DENND5B: variants seen among roughly 807,000 people sequenced by gnomAD.
DENND5B encodes the protein DENN domain-containing protein 5B.
A neutral mutation model predicts 140.6 loss-of-function variants in DENND5B; 34 were observed. The ratio of observed to expected loss-of-function variants is 0.24; its 90% CI spans 0.18 to 0.32. The LOEUF is 0.32. Among genes scored for constraint, DENND5B ranks in the 10% least tolerant of loss-of-function variants. The probability of loss-of-function intolerance (pLI) is 1.00; values close to 1 mark genes in which losing one functional copy is unlikely to be tolerated. For missense variants in DENND5B, 1,142 were observed against 1,560.2 expected (o/e 0.73, Z 4.52); for synonymous variants, 551 against 562.1 (o/e 0.98, Z 0.28).
At chr12:31,444,212 G>T (rs1185851457) in intron 6 of DENND5B, 2 of 152,142 alleles carry the variant, frequency 1.3e-5, no homozygotes, top group African/African-American at 2.4e-5. Flanking sequence ...TTTAAGAGAA[G>T]AACCAGGTGC....
rs1944096769 is a variant in DENND5B at position 31,442,838 on chromosome 12, T to C, written c.1949A>G (p.Tyr650Cys). The stretch of plus-strand genomic sequence containing the variant: ...TAACTTTGGAAAGAACCCCTGCTCA[T>C]ATTTGCCTTGACCAATTTTCATATC... Reference protein sequence around the residue: ...LLDMKIGQGKYEQGFFPKLQS... With the variant: ...LLDMKIGQGKCEQGFFPKLQS... The change falls in exon 7 of 21, where the codon TAT becomes TGT. Residue 650 changes from tyrosine to cysteine, a missense_variant. Physicochemically the swap from Tyr to Cys is radical, Grantham distance 194 (BLOSUM62 -2). Around this residue, in one of 5 missense-constraint regions of DENND5B, gnomAD observed 708 missense variants for 905.5 expected, o/e 0.78. Transcript: ENST00000389082. 3 of 1,613,612 alleles carry C rather than the reference T, an allele frequency of 1.9e-6. No homozygotes were observed. The South Asian group carries it at 3.3e-5, about 18-fold the overall frequency.
intron 7 of DENND5B, among the ~76,000 whole-genome samples, chr12:31,441,228 C>G (rs1045721894): frequency 6.6e-6 from 1 of 152,126 alleles, no homozygotes; most frequent in Non-Finnish European, 1.5e-5. Context: ...CCTTTAGTTC[C>G]AGCTACTTGG....
chr12:31,390,188 C>G (rs575810649), intron 19 of DENND5B, among the ~76,000 whole-genome samples: 38 of 152,324 alleles, frequency 2.5e-4, no homozygotes, highest in Non-Finnish European at 4.4e-4. Flanking sequence ...CAAAGCTTAG[C>G]AAGCTAGAAC....
intron 1 of DENND5B, among the ~76,000 whole-genome samples, chr12:31,587,946 G>A (rs1346532436): frequency 6.6e-6 from 1 of 152,132 alleles, no homozygotes; most frequent in Non-Finnish European, 1.5e-5. Context: ...AGTCATTTTA[G>A]AAGGCACATC....
At chr12:31,400,378 T>G (rs1262878599) in intron 15 of DENND5B, among the ~76,000 whole-genome samples, 1 of 152,212 alleles carries the variant, frequency 6.6e-6, no homozygotes, top group African/African-American at 2.4e-5. Context: ...TTAAAAGGCA[T>G]AGTTATCAAT....
intron 1 of DENND5B, among the ~76,000 whole-genome samples, chr12:31,530,518 T>C (rs1351120603): frequency 1.3e-5 from 2 of 152,242 alleles, no homozygotes; most frequent in African/African-American, 2.4e-5. Flanking sequence ...ATGGTATCCA[T>C]TATTCCAACA....
chr12:31,413,650 C>T, intron 12 of DENND5B, 86 bp from the exon 13 acceptor site: 1 of 1,412,254 alleles, frequency 7.1e-7, no homozygotes, highest in South Asian at 1.7e-5. Flanking sequence ...GTACTGGGCA[C>T]AGAAAGGTTT....
At chr12:31,536,382 TAAAA>T (rs1175022531) in intron 1 of DENND5B, among the ~76,000 whole-genome samples, 2 of 151,900 alleles carry the variant, frequency 1.3e-5, no homozygotes, top group Admixed American at 6.6e-5. Context: ...TTTAAATAAT[TAAAA>T]AAGAACTACG....
intron 1 of DENND5B, among the ~76,000 whole-genome samples, chr12:31,513,616 T>A (rs542983819): frequency 1.3e-5 from 2 of 152,326 alleles, no homozygotes; most frequent in Non-Finnish European, 2.9e-5. Context: ...ATTTGGCTCC[T>A]ATGCCCATTT....
Position 31,409,309 on chromosome 12 carries a change from G to A in DENND5B, c.2757C>T (p.Leu919=), listed in dbSNP as rs753847362. 6 of 1,569,826 alleles carry A rather than the reference G, an allele frequency of 3.8e-6. No homozygotes were observed. The highest frequency in any genetic ancestry group is 3.5e-6 in the Non-Finnish European group (4 of 1,156,412). ...TGAAGCAGAAATAGTCCACAGCATT[G>A]AGAGAAAGAAGGTGGTAAAGAAACT... is the stretch of plus-strand genomic sequence containing the variant. ...REQFLYHLLS[L]NAVDYFCFTS... Residue 919 remains leucine, a synonymous_variant, in exon 14 of 21, where the codon CTC becomes CTT. Coordinates refer to ENST00000389082, the MANE Select transcript of DENND5B (RefSeq NM_144973.4).
At chr12:31,518,308 T>A (rs1418640792) in intron 1 of DENND5B, among the ~76,000 whole-genome samples, 1 of 152,232 alleles carries the variant, frequency 6.6e-6, no homozygotes, top group Non-Finnish European at 1.5e-5. Context: ...TCCCTCTCCC[T>A]CTCTCATTGT....
chr12:31,557,715 T>G (rs895980716), intron 1 of DENND5B, among the ~76,000 whole-genome samples: 3 of 150,426 alleles, frequency 2.0e-5, no homozygotes, highest in African/African-American at 7.4e-5. Context: ...TTAGGTATTT[T>G]AGAGAGTAGG....
chr12:31,406,061 G>A (rs1477421118), intron 14 of DENND5B, among the ~76,000 whole-genome samples: 2 of 151,436 alleles, frequency 1.3e-5, no homozygotes, highest in Non-Finnish European at 2.9e-5. Flanking sequence ...TGGCCAGGCT[G>A]GTCTTGACCT....
At chr12:31,468,833 GA>G (rs35150250) in intron 3 of DENND5B, among the ~76,000 whole-genome samples, 2 of 135,822 alleles carry the variant, frequency 1.5e-5, no homozygotes, top group Admixed American at 1.5e-4. Flanking sequence ...CAAACAAAAG[GA>G]AGTAATATAA....
chr12:31,419,078 G>C (rs544182019), intron 11 of DENND5B, among the ~76,000 whole-genome samples: 1 of 152,274 alleles, frequency 6.6e-6, no homozygotes, highest in African/African-American at 2.4e-5. Context: ...TTAGGAAATG[G>C]AACCACTTCT....
At chr12:31,542,084 A>C (rs1948696574) in intron 1 of DENND5B, among the ~76,000 whole-genome samples, 2 of 152,012 alleles carry the variant, frequency 1.3e-5, no homozygotes, top group South Asian at 4.2e-4. Flanking sequence ...TCAGGAGTTC[A>C]AGACCAGTCT....
chr12:31,575,676 G>A (rs1949987021), intron 1 of DENND5B, among the ~76,000 whole-genome samples: 1 of 152,162 alleles, frequency 6.6e-6, no homozygotes, highest in African/African-American at 2.4e-5. Context: ...CCAGTTTCAG[G>A]CTGGATGTGG....
At chr12:31,575,424 T>G (rs1949977284) in intron 1 of DENND5B, among the ~76,000 whole-genome samples, 1 of 152,202 alleles carries the variant, frequency 6.6e-6, no homozygotes, top group African/African-American at 2.4e-5. Flanking sequence ...GACTACCCAC[T>G]TCCCCCTTCA....
chr12:31,513,996 C>T (rs1261031333), intron 1 of DENND5B, among the ~76,000 whole-genome samples: 1 of 152,042 alleles, frequency 6.6e-6, no homozygotes, highest in African/African-American at 2.4e-5. Context: ...TGCCACCACA[C>T]CTGGCTAATC....
Sources: allele counts gnomAD v4.1 joint callset (sites outside exome capture counted in the v4.1 genomes callset), GRCh38; gene constraint gnomAD v4.1.1; regional missense constraint gnomAD v4.1.1; transcripts MANE v1.5; gene names NCBI Gene and HGNC (gene_info 2026-07-23, HGNC 2026-07-21).